The following NXPE2 variants were observed in gnomAD, a reference collection of about 807,000 sequenced individuals.
NXPE2 encodes the protein neurexophilin and PC-esterase domain family member 2.
In NXPE2, 34 loss-of-function variants were observed where a neutral mutation model predicts 34.4. The observed-to-expected ratio is 0.99, with a 90% confidence interval of 0.75 to 1.31. The LOEUF is 1.31. Among genes scored for constraint, NXPE2 ranks in the 40% most tolerant of loss-of-function variants. NXPE2 has a pLI of 0.00. For synonymous variants in NXPE2, 235 were observed against 231.3 expected (o/e 1.02, Z -0.15); for missense variants, 649 against 672.5 (o/e 0.97, Z 0.39).
At chr11:114,477,983 A>G in the NXPE2 span, among the ~76,000 whole-genome samples, 1 of 152,176 alleles carries the variant, frequency 6.6e-6, no homozygotes, top group South Asian at 2.1e-4. Flanking sequence ...CACATCCCTC[A>G]GTGTTGCATG....
chr11:114,598,894 A>G, the NXPE2 span, among the ~76,000 whole-genome samples: 1 of 152,176 alleles, frequency 6.6e-6, no homozygotes, highest in Non-Finnish European at 1.5e-5. Flanking sequence ...ACCAAGGCTT[A>G]TGGCTTGCAC....
At chr11:114,770,283 C>A in the NXPE2 span, among the ~76,000 whole-genome samples, 1 of 152,308 alleles carries the variant, frequency 6.6e-6, no homozygotes, top group South Asian at 2.1e-4. Context: ...GGTTAGTTGC[C>A]ATTTATCTTT....
the NXPE2 span, among the ~76,000 whole-genome samples, chr11:114,494,604 TCTC>T: frequency 6.6e-6 from 1 of 152,192 alleles, no homozygotes; most frequent in Non-Finnish European, 1.5e-5. Context: ...CTGACTTTCT[TCTC>T]TGTTATCCTG....
chr11:114,609,791 C>A, the NXPE2 span, among the ~76,000 whole-genome samples: 1 of 151,506 alleles, frequency 6.6e-6, no homozygotes, highest in Non-Finnish European at 1.5e-5. Context: ...ACCACAGTTA[C>A]CTGATGGATA....
At chr11:114,478,095 G>A in the NXPE2 span, among the ~76,000 whole-genome samples, 67 of 152,096 alleles carry the variant, frequency 4.4e-4, no homozygotes, top group Non-Finnish European at 6.3e-4. Context: ...TACGAAAGAG[G>A]TTGTAGTAAC....
the NXPE2 span, among the ~76,000 whole-genome samples, chr11:114,727,069 C>T: frequency 6.6e-6 from 1 of 152,100 alleles, no homozygotes; most frequent in Non-Finnish European, 1.5e-5. Context: ...AGCTTCCACT[C>T]AGTACTCAGT....
chr11:114,783,812 CCATT>C, the NXPE2 span, among the ~76,000 whole-genome samples: 1 of 152,120 alleles, frequency 6.6e-6, no homozygotes, highest in Non-Finnish European at 1.5e-5. Context: ...ATTCCTGACT[CCATT>C]CAAGAGTTGC....
chr11:114,627,924 G>C, the NXPE2 span, among the ~76,000 whole-genome samples: 3 of 151,800 alleles, frequency 2.0e-5, no homozygotes, highest in South Asian at 6.3e-4. Context: ...AGACAAAGAA[G>C]GCCATTATTT....
At chr11:114,564,565 C>T in the NXPE2 span, among the ~76,000 whole-genome samples, 1 of 152,044 alleles carries the variant, frequency 6.6e-6, no homozygotes, top group Non-Finnish European at 1.5e-5. Context: ...TACAGAATAG[C>T]CATATGAAAA....
the NXPE2 span, among the ~76,000 whole-genome samples, chr11:114,478,865 G>C: frequency 6.6e-6 from 1 of 152,180 alleles, no homozygotes; most frequent in East Asian, 1.9e-4. Flanking sequence ...CTGGGCGCCA[G>C]GGACAAATGG....
the NXPE2 span, among the ~76,000 whole-genome samples, chr11:114,594,115 A>G: frequency 6.6e-6 from 1 of 152,162 alleles, no homozygotes; most frequent in Admixed American, 6.6e-5. Flanking sequence ...AGCATTTGAT[A>G]GTATAACAGG....
chr11:114,479,988 A>G, the NXPE2 span, among the ~76,000 whole-genome samples: 2 of 152,100 alleles, frequency 1.3e-5, no homozygotes, highest in Non-Finnish European at 2.9e-5. Flanking sequence ...CAGGCTTTTT[A>G]AAATAACCAG....
chr11:114,678,122 C>G (rs1045006021), upstream of NXPE2, among the ~76,000 whole-genome samples: 3 of 152,054 alleles, frequency 2.0e-5, no homozygotes, highest in Admixed American at 2.0e-4. Flanking sequence ...GAGGACCCAG[C>G]TGAATCAATT....
At chr11:114,755,830 T>G in the NXPE2 span, among the ~76,000 whole-genome samples, 1 of 152,072 alleles carries the variant, frequency 6.6e-6, no homozygotes, top group African/African-American at 2.4e-5. Context: ...TGGATTAGAT[T>G]TCTCTCCTCA....
the NXPE2 span, among the ~76,000 whole-genome samples, chr11:114,484,827 A>T: frequency 6.6e-6 from 1 of 152,208 alleles, no homozygotes; most frequent in Non-Finnish European, 1.5e-5. Flanking sequence ...CTATTTGTTT[A>T]TAGAATGATA....
the NXPE2 span, chr11:114,580,270 A>C: frequency 8.1e-6 from 13 of 1,614,066 alleles, no homozygotes; most frequent in Non-Finnish European, 1.1e-5. Flanking sequence ...GTGTTTCTCC[A>C]GACATGCCCA....
the NXPE2 span, among the ~76,000 whole-genome samples, chr11:114,565,946 A>G: frequency 4.6e-5 from 7 of 152,178 alleles, no homozygotes; most frequent in African/African-American, 1.4e-4. Context: ...AAAAAAAAAT[A>G]TGGCAGAACT....
At chr11:114,769,082 G>T in the NXPE2 span, among the ~76,000 whole-genome samples, 1 of 151,384 alleles carries the variant, frequency 6.6e-6, no homozygotes, top group South Asian at 2.1e-4. Context: ...CTAATATTCA[G>T]AATCTACTAA....
chr11:114,477,824 G>A, the NXPE2 span, among the ~76,000 whole-genome samples: 4 of 151,730 alleles, frequency 2.6e-5, no homozygotes, highest in Non-Finnish European at 5.9e-5. Flanking sequence ...ATCTGCTTAT[G>A]TATAAAAGAA....
Sources: allele counts gnomAD v4.1 joint callset (sites outside exome capture counted in the v4.1 genomes callset), GRCh38; gene constraint gnomAD v4.1.1; transcripts MANE v1.5; gene names NCBI Gene and HGNC (gene_info 2026-07-23, HGNC 2026-07-21).